The following PPP1R13B variants were observed in gnomAD, a reference collection of about 807,000 sequenced individuals.
PPP1R13B encodes protein phosphatase 1 regulatory subunit 13B.
In PPP1R13B, 44 loss-of-function variants were observed where a neutral mutation model predicts 119.8. The ratio of observed to expected loss-of-function variants is 0.37; its 90% confidence interval spans 0.29 to 0.47. The LOEUF is 0.47. PPP1R13B is among the 20% of genes least tolerant of loss of function. PPP1R13B has a pLI of 0.99. For synonymous variants in PPP1R13B, 542 were observed against 561.5 expected (o/e 0.97, Z 0.49); for missense variants, 1,227 against 1,413.5 (o/e 0.87, Z 2.12).
At position 103,784,775 on chromosome 14, in the gene PPP1R13B, G is replaced by T; in HGVS notation, c.277+20C>A. ...TTTCCTAGCAAAAATTAACAAATGA[G>T]GAAGAAAGCAGTTATCTACCTTGTT... is the stretch of plus-strand genomic sequence containing the variant. On this transcript the variant is annotated intron_variant, in intron 3 of 16. Transcript: ENST00000202556. 16 of 1,548,232 alleles carry T rather than the reference G, an allele frequency of 1.0e-5. No individual in the cohort carries two copies. Among genetic ancestry groups the T allele is most frequent in the Non-Finnish European group, 1.3e-5 (15 of 1,139,802 alleles).
At chr14:103,831,650 T>C (rs1013328723) in intron 1 of PPP1R13B, among the ~76,000 whole-genome samples, 13 of 150,478 alleles carry the variant, frequency 8.6e-5, no homozygotes, top group Admixed American at 5.3e-4. Flanking sequence ...AAATTTTAAA[T>C]TGTGGCCGGG....
chr14:103,806,126 G>T (rs1261360184), intron 1 of PPP1R13B, among the ~76,000 whole-genome samples: 6 of 152,192 alleles, frequency 3.9e-5, no homozygotes, highest in Non-Finnish European at 5.9e-5. Flanking sequence ...CCCTGGAATA[G>T]GAAGCCCAAG....
intron 7 of PPP1R13B, among the ~76,000 whole-genome samples, chr14:103,750,371 T>C (rs964687711): frequency 1.3e-5 from 2 of 152,212 alleles, no homozygotes; most frequent in Non-Finnish European, 2.9e-5. Flanking sequence ...TACATCATTT[T>C]AGTGGCTTGC....
At chr14:103,809,407 T>C (rs2086094305) in intron 1 of PPP1R13B, among the ~76,000 whole-genome samples, 1 of 152,230 alleles carries the variant, frequency 6.6e-6, no homozygotes, top group Non-Finnish European at 1.5e-5. Context: ...AGAACCTATC[T>C]TAAACCTTGT....
At chr14:103,804,495 G>A (rs1358314284) in intron 1 of PPP1R13B, among the ~76,000 whole-genome samples, 1 of 152,154 alleles carries the variant, frequency 6.6e-6, no homozygotes, top group Admixed American at 6.6e-5. Context: ...GGCAGAGGCA[G>A]GAGGATCGCT....
In PPP1R13B at chr14:103,783,455, T is replaced by C. The variant is rs982037305; in HGVS notation, c.277+1340A>G. 9.2e-5 allele frequency among the ~76,000 whole-genome samples: 14 copies of C among 152,086 alleles called. 1 individual carries two copies. The highest frequency in any genetic ancestry group is 3.4e-4 in the African/African-American group (14 of 41,416). On this transcript the variant is annotated intron_variant, in intron 3 of 16. Transcript: ENST00000202556. ...TTAGCAGAGATGGGGTTTTACCACG[T>C]TGGCCAGGCTGGTCACAAACTCCTG...
At chr14:103,772,675 CTTTT>C (rs200012700) in intron 4 of PPP1R13B, among the ~76,000 whole-genome samples, 3 of 140,562 alleles carry the variant, frequency 2.1e-5, no homozygotes, top group Non-Finnish European at 1.6e-5. Context: ...GTTTCTTTTT[CTTTT>C]TTTTTTTTTT....
In PPP1R13B at chr14:103,763,043, A is replaced by C. The variant is rs1028557421; in HGVS notation, c.355-5292T>G. The C allele has an allele frequency of 4.1e-6, 6 of 1,455,094 alleles. No homozygotes were observed. In the South Asian group the frequency reaches 7.2e-5, roughly 18 times the overall value. 90.1% of individuals were successfully genotyped at this position (1,455,094 alleles called of 1,614,324 possible). On this transcript the variant is annotated intron_variant, in intron 4 of 16. Coordinates refer to ENST00000202556, the MANE Select transcript of PPP1R13B (RefSeq NM_015316.3). Reference sequence around the variant, plus strand: ...TGCAAGCAATAATAGAGAACTTCAAAAACTACCATCCTTAAAAGATTCGTT... The same window carrying C: ...TGCAAGCAATAATAGAGAACTTCAACAACTACCATCCTTAAAAGATTCGTT...
chr14:103,799,617 GTT>G (rs397762490), intron 1 of PPP1R13B, among the ~76,000 whole-genome samples: 3 of 141,154 alleles, frequency 2.1e-5, no homozygotes, highest in African/African-American at 5.1e-5. Context: ...CGGGTTTTTT[GTT>G]TTTTTTTTTT....
rs898007326 is a variant in PPP1R13B at position 103,746,789 on chromosome 14, C to G, written c.970-236G>C. 7 of 356,196 alleles carry G rather than the reference C, an allele frequency of 2.0e-5. No individual in the cohort carries two copies. The East Asian group carries it at 3.1e-4, about 16-fold the overall frequency. The allele number at this position is 356,196 out of a possible 1,614,324, so 22.1% of individuals were successfully genotyped here. A position where few individuals can be genotyped will look rare whatever the true frequency, so the allele number is the denominator to read the frequency against. Reference sequence around the variant, plus strand: ...CATCTGGAGCTGTACACATGAGGAGCTGATGTGAGGGCAGAGCAACTTCCC... The same window carrying G: ...CATCTGGAGCTGTACACATGAGGAGGTGATGTGAGGGCAGAGCAACTTCCC... On this transcript the variant is annotated intron_variant, in intron 8 of 16. Transcript: ENST00000202556.
intron 1 of PPP1R13B, among the ~76,000 whole-genome samples, chr14:103,818,927 G>C (rs183378065): frequency 1.3e-5 from 2 of 152,104 alleles, no homozygotes; most frequent in Non-Finnish European, 2.9e-5. Flanking sequence ...AAGAAGACTG[G>C]GAATGGGGCA....
intron 1 of PPP1R13B, among the ~76,000 whole-genome samples, chr14:103,813,746 A>G (rs940784632): frequency 3.3e-5 from 5 of 152,162 alleles, no homozygotes; most frequent in African/African-American, 7.2e-5. Context: ...TTTGACACGT[A>G]TAGATACGTG....
intron 1 of PPP1R13B, among the ~76,000 whole-genome samples, chr14:103,843,909 T>C (rs945060490): frequency 6.7e-6 from 1 of 148,538 alleles, no homozygotes; most frequent in South Asian, 2.1e-4. Context: ...GCCGAGGTCA[T>C]GCCACTGCAC....
chr14:103,764,522 C>A (rs775157377), intron 4 of PPP1R13B: 62 of 331,106 alleles, frequency 1.9e-4, no homozygotes, highest in African/African-American at 1.2e-3. Flanking sequence ...TATAGAAGTA[C>A]AAAATACATC....
chr14:103,737,840 G>A lies in PPP1R13B; in HGVS notation c.2885C>T (p.Ala962Val). The A allele has an allele frequency of 6.2e-7, 1 of 1,613,936 alleles. No individual in the cohort carries two copies. The highest frequency in any genetic ancestry group is 8.5e-7 in the Non-Finnish European group (1 of 1,179,966). The change falls in exon 15 of 17, where the codon GCC (alanine) becomes GTC (valine). Residue 962 changes from alanine (A) to valine (V), a missense_variant. Transcript: ENST00000202556. ...GCAGAGGTGAACGCTGTTACAAGAG[G>A]CAGCGCAGTGCAGCGGCGTCCTGGA... is the stretch of plus-strand genomic sequence containing the variant. The part of the protein sequence containing the change: ...SDGWTPLHCA[A>V]SCNSVHLCKQ...
intron 4 of PPP1R13B, among the ~76,000 whole-genome samples, chr14:103,764,963 C>T (rs914870887): frequency 1.3e-5 from 2 of 152,142 alleles, no homozygotes; most frequent in African/African-American, 4.8e-5. Flanking sequence ...GGACTACAGA[C>T]GCCCGCCACC....
chr14:103,847,934 T>G (rs2087109424), upstream of PPP1R13B, among the ~76,000 whole-genome samples: 1 of 151,404 alleles, frequency 6.6e-6, no homozygotes, highest in Non-Finnish European at 1.5e-5. Flanking sequence ...GAACCCGGGC[T>G]CCCGGGGGCC....
chr14:103,848,543 G>A, upstream of PPP1R13B: 4 of 965,906 alleles, frequency 4.1e-6, no homozygotes, highest in Non-Finnish European at 4.9e-6. Flanking sequence ...TGCTCCCCGC[G>A]GCAGCACCGA....
At chr14:103,820,390 T>A (rs922518529) in intron 1 of PPP1R13B, among the ~76,000 whole-genome samples, 13 of 152,136 alleles carry the variant, frequency 8.5e-5, no homozygotes, top group Non-Finnish European at 5.9e-5. Flanking sequence ...CTCTCTCTTC[T>A]CAAAAATAGT....
Sources: gnomAD v4.1 joint callset for allele counts (sites outside exome capture counted in the v4.1 genomes callset) on GRCh38, gnomAD v4.1.1 for gene constraint, MANE v1.5 for transcripts, NCBI Gene and HGNC (gene_info 2026-07-23, HGNC 2026-07-21) for gene names.